SORCS2: variants seen among roughly 807,000 people sequenced by gnomAD.
The protein encoded by SORCS2 is sortilin related VPS10 domain containing receptor 2, also known as VPS10 domain-containing receptor SorCS2.
SORCS2 carries 100 observed loss-of-function variants against 141.6 expected under a neutral mutation model. The observed-to-expected ratio is 0.71, with a 90% CI of 0.60 to 0.83. SORCS2 has a LOEUF of 0.83. Ranked by LOEUF, SORCS2 falls within the 40% of genes least tolerant of loss-of-function variation. SORCS2 has a pLI of 0.00. For missense variants in SORCS2, 1,646 were observed against 1,560.2 expected (o/e 1.05, Z -0.93); for synonymous variants, 789 against 676.9 (o/e 1.17, Z -2.57).
At chr4:7,288,820 C>A (rs1716415512) in intron 1 of SORCS2, among the ~76,000 whole-genome samples, 2 of 150,148 alleles carry the variant, frequency 1.3e-5, no homozygotes, top group South Asian at 4.3e-4. Context: ...GGGCACAGTT[C>A]AGTCTGTCCT....
chr4:7,714,835 A>G (rs1486725503), intron 16 of SORCS2, among the ~76,000 whole-genome samples: 5 of 152,110 alleles, frequency 3.3e-5, no homozygotes, highest in Non-Finnish European at 5.9e-5. Context: ...GCCCCCTGGC[A>G]TTGCAGCCTC....
At chr4:7,302,788 T>TGC (rs151172912) in intron 1 of SORCS2, among the ~76,000 whole-genome samples, 3 of 126,360 alleles carry the variant, frequency 2.4e-5, no homozygotes, top group African/African-American at 5.6e-5. Context: ...TGTGTGTGTG[T>TGC]GCGCGCGCGT....
chr4:7,397,253 G>A (rs10005036), intron 2 of SORCS2, among the ~76,000 whole-genome samples: 4 of 152,004 alleles, frequency 2.6e-5, no homozygotes, highest in African/African-American at 9.7e-5. Flanking sequence ...TGGTTCTTAC[G>A]GAGGGATTTC....
At chr4:7,730,676 C>T (rs1425107731) in intron 23 of SORCS2, among the ~76,000 whole-genome samples, 1 of 152,242 alleles carries the variant, frequency 6.6e-6, no homozygotes, top group East Asian at 1.9e-4. Flanking sequence ...CATGAAATGC[C>T]CAGAACAGGC....
chr4:7,639,652 TGTGA>T (rs560153179), intron 4 of SORCS2, among the ~76,000 whole-genome samples: 175 of 151,492 alleles, frequency 1.2e-3, no homozygotes, highest in African/African-American at 1.8e-3. Context: ...TGTATATGAA[TGTGA>T]GTGTGTGCAA....
intron 4 of SORCS2, among the ~76,000 whole-genome samples, chr4:7,650,987 CA>C: frequency 6.6e-6 from 1 of 152,150 alleles, no homozygotes; most frequent in East Asian, 1.9e-4. Flanking sequence ...TGCACCAATA[CA>C]GCCCCTACCC....
At chr4:7,631,456 A>ATC (rs367822660) in intron 3 of SORCS2, among the ~76,000 whole-genome samples, 1 of 151,884 alleles carries the variant, frequency 6.6e-6, no homozygotes, top group East Asian at 2.0e-4. Flanking sequence ...CCTCTGGGGC[A>ATC]TCTTTTTGCA....
rs1434092372 is a variant in SORCS2, at chr4:7,286,170, G to A, written c.480+93044G>A. Reference sequence around the variant, plus strand: ...ACAGTCTCCTAGAGTCTCCAGCTGGGTCTCCAGGCCTGTGCCGGTCCTCAC... The same window carrying A: ...ACAGTCTCCTAGAGTCTCCAGCTGGATCTCCAGGCCTGTGCCGGTCCTCAC... On this transcript the variant is annotated intron_variant, in intron 1 of 26. Coordinates refer to ENST00000507866, the MANE Select transcript of SORCS2 (RefSeq NM_020777.3). The surrounding 1 kb of genome is among the most constrained non-coding windows in gnomAD (Gnocchi z 4.1). 6.6e-6 allele frequency among the ~76,000 whole-genome samples: 1 copy of A among 152,198 alleles called. No homozygotes were observed. Among genetic ancestry groups the A allele is most frequent in the African/African-American group, 2.4e-5 (1 of 41,458 alleles).
At chr4:7,384,889 C>A (rs1466114651) in intron 1 of SORCS2, among the ~76,000 whole-genome samples, 1 of 152,228 alleles carries the variant, frequency 6.6e-6, no homozygotes, top group Non-Finnish European at 1.5e-5. Flanking sequence ...ACACTGCATT[C>A]GAGGAGGAAT....
intron 14 of SORCS2, among the ~76,000 whole-genome samples, chr4:7,710,723 C>T (rs1358967927): frequency 4.6e-5 from 7 of 152,186 alleles, no homozygotes; most frequent in East Asian, 3.9e-4. Flanking sequence ...CCGGGGCCAC[C>T]GTGCAGGCCC....
At chr4:7,279,873 T>G (rs1440486094) in intron 1 of SORCS2, among the ~76,000 whole-genome samples, 1 of 111,438 alleles carries the variant, frequency 9.0e-6, no homozygotes, top group Non-Finnish European at 1.7e-5. Flanking sequence ...CGCCCCCCAA[T>G]TAATCCACTG....
At chr4:7,695,286 G>A (rs1306081680) in intron 11 of SORCS2, among the ~76,000 whole-genome samples, 18 of 109,520 alleles carry the variant, frequency 1.6e-4, no homozygotes, top group African/African-American at 5.6e-4. Context: ...ATGGATGGAT[G>A]GATGGTTGGA....
chr4:7,491,063 C>T (rs1731288433), intron 2 of SORCS2, among the ~76,000 whole-genome samples: 1 of 152,200 alleles, frequency 6.6e-6, no homozygotes, highest in Non-Finnish European at 1.5e-5. Flanking sequence ...TTTCCCTTTG[C>T]CTTCCCTTGG....
intron 2 of SORCS2, among the ~76,000 whole-genome samples, chr4:7,521,282 T>G (rs915000861): frequency 1.3e-5 from 2 of 152,164 alleles, no homozygotes; most frequent in Non-Finnish European, 2.9e-5. Flanking sequence ...CCTGCTGCCT[T>G]CGCTGCTGCG....
intron 1 of SORCS2, among the ~76,000 whole-genome samples, chr4:7,346,967 G>T (rs1250608231): frequency 6.6e-6 from 1 of 152,146 alleles, no homozygotes; most frequent in African/African-American, 2.4e-5. Flanking sequence ...TTAACACAAA[G>T]ACTATACATA....
At chr4:7,236,989 AAAGACT>A (rs1712328543) in intron 1 of SORCS2, among the ~76,000 whole-genome samples, 4 of 152,186 alleles carry the variant, frequency 2.6e-5, no homozygotes, top group Non-Finnish European at 5.9e-5. Flanking sequence ...CCCACCTGGG[AAAGACT>A]GGTCGGGTGG....
chr4:7,240,852 C>G (rs1478650405), intron 1 of SORCS2, among the ~76,000 whole-genome samples: 1 of 152,164 alleles, frequency 6.6e-6, no homozygotes, highest in African/African-American at 2.4e-5. Context: ...ACACCCCGGT[C>G]GACCTTCATT....
chr4:7,202,247 G>A (rs184962683), intron 1 of SORCS2, among the ~76,000 whole-genome samples: 4 of 152,086 alleles, frequency 2.6e-5, no homozygotes, highest in African/African-American at 4.8e-5. Context: ...CTCATGACTC[G>A]GGACCGCTTC....
intron 2 of SORCS2, among the ~76,000 whole-genome samples, chr4:7,418,581 A>G (rs1172768399): frequency 6.6e-6 from 1 of 152,106 alleles, no homozygotes; most frequent in Non-Finnish European, 1.5e-5. Context: ...TAAAAATAGT[A>G]TCATGTCTCA....
Sources: gnomAD v4.1 joint callset for allele counts (sites outside exome capture counted in the v4.1 genomes callset) on GRCh38, gnomAD v4.1.1 for gene constraint, Gnocchi (gnomAD v3.1) non-coding constraint, MANE v1.5 for transcripts, NCBI Gene and HGNC (gene_info 2026-07-23, HGNC 2026-07-21) for gene names.